Variants in RPAIN observed in about 807,000 individuals in gnomAD.
RPAIN encodes the protein RPA interacting protein, also known as RPA-interacting protein.
Under a neutral mutation model 30.5 loss-of-function variants are expected in RPAIN, and 29 were observed. The observed-to-expected ratio is 0.95, with a 90% CI of 0.71 to 1.30. The LOEUF (loss-of-function observed/expected upper bound fraction) is 1.30. Among genes scored for constraint, RPAIN ranks in the 50% most tolerant of loss-of-function variants. The pLI is 0.00. For synonymous variants in RPAIN, 101 were observed against 93.5 expected (o/e 1.08, Z -0.46); for missense variants, 247 against 264.7 (o/e 0.93, Z 0.46).
chr17:5,432,281 G>C, intron 6 of RPAIN: 1 of 427,912 alleles, frequency 2.3e-6, no homozygotes, highest in Non-Finnish European at 4.2e-6. Flanking sequence ...TGTTTGATTA[G>C]TTCATCTACA....
chr17:5,420,650 T>G (rs767063116), intron 1 of RPAIN, among the ~76,000 whole-genome samples: 1 of 151,624 alleles, frequency 6.6e-6, no homozygotes, highest in Non-Finnish European at 1.5e-5. Flanking sequence ...AAAATGAGGC[T>G]TAGAAGAGGG....
intron 2 of RPAIN, 74 bp from the exon 3 acceptor site, chr17:5,422,695 C>G (rs1184945726): frequency 7.1e-7 from 1 of 1,404,194 alleles, no homozygotes; most frequent in African/African-American, 1.4e-5. Context: ...AGCCAGCCTC[C>G]AAGTATGAAT....
In RPAIN at chr17:5,421,282, C is replaced by T. The variant is rs777082608; in HGVS notation, c.82-14C>T. On this transcript the variant is annotated splice_polypyrimidine_tract_variant and intron_variant, in intron 1 of 6. Coordinates refer to ENST00000381209, the MANE Select transcript of RPAIN (RefSeq NM_001033002.4). ...GCTTTTTTTTTCCCCCCCAATCTTG[C>T]TCTTTTTTCCCAGAGATGCCTGGAG... is the stretch of plus-strand genomic sequence containing the variant. 1 of 1,578,420 alleles carries T rather than the reference C, an allele frequency of 6.3e-7. No individual in the cohort carries two copies. Among genetic ancestry groups the T allele is most frequent in the Middle Eastern group, 1.7e-4 (1 of 5,888 alleles).
In RPAIN at chr17:5,420,192, T is replaced by G; in HGVS notation, c.-19T>G. ...CTCCAGGGAACGGGTCTTGTGGCTT[T>G]GTCTCCCGCGAAGAGGAGATGGCGG... On this transcript the variant is annotated 5_prime_UTR_variant, in exon 1 of 7. Coordinates refer to ENST00000381209, the MANE Select transcript of RPAIN (RefSeq NM_001033002.4). 1 of 1,613,130 alleles carries G rather than the reference T, an allele frequency of 6.2e-7. No homozygotes were observed. The highest frequency in any genetic ancestry group is 1.3e-5 in the African/African-American group (1 of 75,044).
At chr17:5,422,621 C>T in intron 2 of RPAIN, 148 bp from the exon 3 acceptor site, 1 of 647,322 alleles carries the variant, frequency 1.5e-6, no homozygotes, top group Admixed American at 2.6e-5. Context: ...ACAGCATTAC[C>T]CCACTGTCAG....
intron 2 of RPAIN, among the ~76,000 whole-genome samples, chr17:5,422,322 C>CA (rs1914946038): frequency 6.6e-6 from 1 of 152,168 alleles, no homozygotes; most frequent in Non-Finnish European, 1.5e-5. Context: ...ACCATCAACA[C>CA]CCTGTGTAAT....
intron 2 of RPAIN, 56 bp downstream of exon 2, chr17:5,421,522 G>A (rs921639268): frequency 9.2e-6 from 14 of 1,517,502 alleles, no homozygotes; most frequent in East Asian, 4.5e-5. Flanking sequence ...AGAACGGCTC[G>A]TGTCCTCTTT....
chr17:5,432,709 T>TTTAATGATACGGCGACCA lies in RPAIN; in HGVS notation c.*138_*139insTTAATGATACGGCGACCA. ...ACAATACTGAAGAAAAAAAAACTTT[T>TTTAATGATACGGCGACCA]CCGACATCTGTTCTTGGTCTTTTGT... is the stretch of plus-strand genomic sequence containing the variant. On this transcript the variant is annotated 3_prime_UTR_variant, in exon 7 of 7. Coordinates refer to ENST00000381209, the MANE Select transcript of RPAIN (RefSeq NM_001033002.4). 1 of 931,394 alleles carries TTTAATGATACGGCGACCA rather than the reference T, an allele frequency of 1.1e-6. No individual in the cohort carries two copies. Among genetic ancestry groups the TTTAATGATACGGCGACCA allele is most frequent in the Admixed American group, 2.6e-5 (1 of 38,854 alleles). The allele number at this position is 931,394 out of a possible 1,614,324, so 57.7% of individuals were successfully genotyped here.
chr17:5,429,320 A>T (rs1290682589), intron 6 of RPAIN: 2 of 985,470 alleles, frequency 2.0e-6, no homozygotes, highest in Non-Finnish European at 2.4e-6. Context: ...GCTTAAGTGG[A>T]AGATCCCCAC....
chr17:5,423,134 G>C (rs1304885856), intron 3 of RPAIN: 1 of 221,978 alleles, frequency 4.5e-6, no homozygotes, highest in Admixed American at 5.5e-5. Flanking sequence ...CATACAGCTA[G>C]TAAGTGGAGG....
At chr17:5,429,003 C>T in intron 6 of RPAIN, 1 of 968,732 alleles carries the variant, frequency 1.0e-6, no homozygotes, top group Non-Finnish European at 1.2e-6. Flanking sequence ...TGCCTGGTAA[C>T]AGCCATTTCA....
chr17:5,420,723 A>G (rs1214700805), intron 1 of RPAIN, among the ~76,000 whole-genome samples: 6 of 152,220 alleles, frequency 3.9e-5, no homozygotes, highest in Admixed American at 3.9e-4. Flanking sequence ...TGTCCAAGAA[A>G]GTAACCCGAC....
chr17:5,429,287 A>C (rs1915688114), intron 6 of RPAIN: 2 of 985,320 alleles, frequency 2.0e-6, no homozygotes, highest in South Asian at 9.4e-5. Context: ...AGACATGGAG[A>C]TCTGGTGAGT....
At chr17:5,420,854 C>CT (rs1424186426) in intron 1 of RPAIN, among the ~76,000 whole-genome samples, 1 of 152,306 alleles carries the variant, frequency 6.6e-6, no homozygotes, top group East Asian at 1.9e-4. Context: ...CCACTAGATG[C>CT]TAATAGTCCT....
Position 5,425,952 on chromosome 17 carries a change from A to C in RPAIN, c.314-19A>C. The C allele has an allele frequency of 6.4e-7, 1 of 1,560,434 alleles. No individual in the cohort carries two copies. The highest frequency in any genetic ancestry group is 1.3e-5 in the African/African-American group (1 of 74,090). ...CAGCTGAAGCATGGTGAAGCCCTCCAACTGCCTTTGCCTTGCAGAGCAGTC... is the reference window on the plus strand; with the variant it reads ...CAGCTGAAGCATGGTGAAGCCCTCCCACTGCCTTTGCCTTGCAGAGCAGTC... On this transcript the variant is annotated intron_variant, in intron 3 of 6. Coordinates refer to ENST00000381209, the MANE Select transcript of RPAIN (RefSeq NM_001033002.4).
intron 5 of RPAIN, chr17:5,427,466 T>G (rs1390039407): frequency 6.5e-6 from 1 of 152,850 alleles, no homozygotes; most frequent in Non-Finnish European, 1.5e-5. Context: ...ACAACTTCTA[T>G]AATACATAGT....
At chr17:5,432,401 A>G in intron 6 of RPAIN, 141 bp from the exon 7 acceptor site, 2 of 760,354 alleles carry the variant, frequency 2.6e-6, no homozygotes, top group Non-Finnish European at 4.5e-6. Flanking sequence ...TCATCATGAC[A>G]AACTACACTA....
chr17:5,430,798 GTCT>G (rs1445335380), intron 6 of RPAIN: 2 of 152,510 alleles, frequency 1.3e-5, no homozygotes, highest in Non-Finnish European at 2.9e-5. Flanking sequence ...TTTGGCTTCT[GTCT>G]TCTTAGTAAG....
At chr17:5,428,813 A>G in intron 6 of RPAIN, 2 of 988,214 alleles carry the variant, frequency 2.0e-6, no homozygotes, top group Non-Finnish European at 1.2e-6. Context: ...CATAAAACCA[A>G]TATGATACGT....
Sources: allele counts gnomAD v4.1 joint callset (sites outside exome capture counted in the v4.1 genomes callset), GRCh38; gene constraint gnomAD v4.1.1; transcripts MANE v1.5; gene names NCBI Gene and HGNC (gene_info 2026-07-23, HGNC 2026-07-21).